RECK: variants seen among roughly 807,000 people sequenced by gnomAD.
RECK encodes the protein reversion-inducing cysteine-rich protein with Kazal motifs.
Under a neutral mutation model 115.1 loss-of-function variants are expected in RECK, and 69 were observed. The ratio of observed to expected loss-of-function variants is 0.60; its 90% CI spans 0.49 to 0.73. The LOEUF is 0.73. Among genes scored for constraint, RECK ranks in the 30% least tolerant of loss-of-function variants. The pLI is 0.00. For synonymous variants in RECK, 414 were observed against 419.7 expected (o/e 0.99, Z 0.17); for missense variants, 1,047 against 1,203.7 (o/e 0.87, Z 1.93).
chr9:36,080,038 C>G (rs927256949), intron 6 of RECK, among the ~76,000 whole-genome samples: 1 of 152,112 alleles, frequency 6.6e-6, no homozygotes, highest in Admixed American at 6.5e-5. Context: ...TTCCCAAACT[C>G]TGGTCCCAGG....
In RECK at chr9:36,115,762, A is replaced by C. The variant is rs1286355084; in HGVS notation, c.2061-1223A>C. Among the ~76,000 whole-genome samples, 5 of 152,172 alleles carry C rather than the reference A, an allele frequency of 3.3e-5. No homozygotes were observed. In the East Asian group the frequency reaches 9.6e-4, roughly 29 times the overall value. On this transcript the variant is annotated intron_variant, in intron 16 of 20. Coordinates refer to ENST00000377966, the MANE Select transcript of RECK (RefSeq NM_021111.3). The stretch of plus-strand genomic sequence containing the variant: ...AAAGAGTATAAATCATTTCCTTTGA[A>C]ATTAAAATAACACTAGCTACTATAT...
chr9:36,115,693 T>G (rs560991839), intron 16 of RECK, among the ~76,000 whole-genome samples: 26 of 152,326 alleles, frequency 1.7e-4, no homozygotes, highest in Non-Finnish European at 2.8e-4. Context: ...AACCATTTCA[T>G]GCATAGTGAC....
At chr9:36,063,607 T>C (rs532376950) in intron 4 of RECK, among the ~76,000 whole-genome samples, 188 bp from the exon 5 acceptor site, 1 of 152,262 alleles carries the variant, frequency 6.6e-6, no homozygotes, top group East Asian at 1.9e-4. Flanking sequence ...TGAGGGACTT[T>C]GAAAGAGACT....
intron 1 of RECK, among the ~76,000 whole-genome samples, chr9:36,042,124 C>T (rs1045576289): frequency 3.3e-5 from 5 of 150,414 alleles, no homozygotes; most frequent in South Asian, 4.2e-4. Flanking sequence ...TGAATAAGTT[C>T]TTTAGTGGTG....
chr9:36,104,292 G>GTATATATATA (rs11273343), intron 12 of RECK, among the ~76,000 whole-genome samples: 78 of 43,830 alleles, frequency 1.8e-3, no homozygotes, highest in Admixed American at 6.6e-3. Flanking sequence ...GTGTGTGTGT[G>GTATATATATA]TATATATATA....
chr9:36,053,567 A>C (rs189860610), intron 2 of RECK, among the ~76,000 whole-genome samples: 2 of 152,330 alleles, frequency 1.3e-5, no homozygotes, highest in East Asian at 3.9e-4. Context: ...ATTTACTGCC[A>C]GAAGAATAGC....
chr9:36,070,708 T>G (rs1822195606), intron 6 of RECK, among the ~76,000 whole-genome samples: 1 of 152,214 alleles, frequency 6.6e-6, no homozygotes, highest in African/African-American at 2.4e-5. Flanking sequence ...ACAGGAGATT[T>G]GATGATCTCT....
intron 5 of RECK, 38 bp from the exon 6 acceptor site, chr9:36,065,539 T>A: frequency 6.6e-7 from 1 of 1,525,012 alleles, no homozygotes. Flanking sequence ...CTGAATAGCA[T>A]GTATAATAAA....
At chr9:36,102,264 T>C (rs1225643837) in intron 12 of RECK, 34 bp downstream of exon 12, 2 of 1,536,216 alleles carry the variant, frequency 1.3e-6, no homozygotes, top group African/African-American at 2.8e-5. Context: ...TTTTTAGATT[T>C]CAAATACTTC....
rs894635394 is a variant in RECK at position 36,037,057 on chromosome 9, G to T, written c.59G>T (p.Gly20Val). 7.9e-6 allele frequency: 11 copies of T among 1,396,802 alleles called. No homozygotes were observed. Among genetic ancestry groups the T allele is most frequent in the Non-Finnish European group, 1.0e-5 (11 of 1,070,334 alleles). 86.5% of individuals were successfully genotyped at this position (1,396,802 alleles called of 1,614,324 possible). A position where few individuals can be genotyped will look rare whatever the true frequency, so the allele number is the denominator to read the frequency against. The change falls in exon 1 of 21, where the codon GGG becomes GTG. Residue 20 changes from glycine (G) to valine (V), a missense_variant. Gly to Val is a moderately radical substitution (Grantham distance 109). Transcript: ENST00000377966. ...GALLLLLAVAGVAEVAGGLAP... is the reference protein window; with the variant it reads ...GALLLLLAVAVVAEVAGGLAP... ...CTGCTCCTTCTGCTGGCCGTGGCGGGGGTCGCGGAGGTGGCAGGGGGCCTG... is the reference window on the plus strand; with the variant it reads ...CTGCTCCTTCTGCTGGCCGTGGCGGTGGTCGCGGAGGTGGCAGGGGGCCTG...
At position 36,076,276 on chromosome 9, in the gene RECK, A is replaced by G. The variant is rs186464920; in HGVS notation, c.406-4329A>G. Among the ~76,000 whole-genome samples, 41 of 152,326 alleles carry G rather than the reference A, an allele frequency of 2.7e-4. No homozygotes were observed. In the East Asian group the frequency reaches 7.5e-3, roughly 28 times the overall value. ...GTTTGTTCATAGATTAATCTATTTA[A>G]CCAGTTTCCTATTTTAAAAATCAAT... On this transcript the variant is annotated intron_variant, in intron 6 of 20. Transcript: ENST00000377966.
At chr9:36,054,592 G>A (rs572661433) in intron 2 of RECK, among the ~76,000 whole-genome samples, 25 of 150,824 alleles carry the variant, frequency 1.7e-4, no homozygotes, top group African/African-American at 5.6e-4. Flanking sequence ...GATGAATTCC[G>A]TGGTGCCTAG....
intron 16 of RECK, among the ~76,000 whole-genome samples, chr9:36,116,508 AG>A (rs1357425696): frequency 1.3e-5 from 2 of 152,230 alleles, no homozygotes; most frequent in Non-Finnish European, 2.9e-5. Context: ...ACTGAATGCA[AG>A]GGCCTCCAGC....
At chr9:36,071,343 A>G (rs1822222170) in intron 6 of RECK, among the ~76,000 whole-genome samples, 1 of 152,222 alleles carries the variant, frequency 6.6e-6, no homozygotes, top group African/African-American at 2.4e-5. Context: ...ATGAATTCCC[A>G]GAGACTGGCA....
intron 6 of RECK, among the ~76,000 whole-genome samples, chr9:36,071,438 C>T (rs1165362218): frequency 3.3e-5 from 5 of 152,176 alleles, no homozygotes; most frequent in African/African-American, 1.2e-4. Flanking sequence ...ACCTGCCATT[C>T]TCTTAACATA....
intron 16 of RECK, among the ~76,000 whole-genome samples, chr9:36,113,795 A>C (rs1475885873): frequency 1.3e-5 from 2 of 152,256 alleles, no homozygotes; most frequent in Non-Finnish European, 2.9e-5. Context: ...GACAGAGATC[A>C]ATAACCTAAT....
At chr9:36,053,435 G>C (rs775761774) in intron 2 of RECK, among the ~76,000 whole-genome samples, 1 of 152,144 alleles carries the variant, frequency 6.6e-6, no homozygotes, top group African/African-American at 2.4e-5. Context: ...TAATGTAGAC[G>C]TAGAAAGATT....
chr9:36,060,741 T>A (rs1159473014), intron 4 of RECK, among the ~76,000 whole-genome samples: 1 of 152,132 alleles, frequency 6.6e-6, no homozygotes, highest in Non-Finnish European at 1.5e-5. Flanking sequence ...ACCTTAGTAA[T>A]CTCATTCCTT....
chr9:36,061,433 C>CACAT (rs1821762275), intron 4 of RECK, among the ~76,000 whole-genome samples: 1 of 150,528 alleles, frequency 6.6e-6, no homozygotes, highest in African/African-American at 2.5e-5. Context: ...CACACACACA[C>CACAT]ACACAGTTGC....
Sources: allele counts gnomAD v4.1 joint callset (sites outside exome capture counted in the v4.1 genomes callset), GRCh38; gene constraint gnomAD v4.1.1; transcripts MANE v1.5; gene names NCBI Gene and HGNC (gene_info 2026-07-23, HGNC 2026-07-21).